The following CCDC73 variants were observed in gnomAD, a reference collection of about 807,000 sequenced individuals.
CCDC73 encodes coiled-coil domain-containing protein 73.
Under a neutral mutation model 116.5 loss-of-function variants are expected in CCDC73, and 95 were observed. That is an observed-to-expected ratio of 0.82 (90% confidence interval 0.69 to 0.97). The LOEUF is 0.97. CCDC73 is among the 50% of genes least tolerant of loss of function. The pLI, the probability that CCDC73 is intolerant of heterozygous loss-of-function variation, is 0.00. For synonymous variants in CCDC73, 398 were observed against 401.3 expected (o/e 0.99, Z 0.10); for missense variants, 1,066 against 1,206.8 (o/e 0.88, Z 1.73).
chr11:32,749,608 G>C (rs1359388283), intron 2 of CCDC73, among the ~76,000 whole-genome samples: 1 of 152,044 alleles, frequency 6.6e-6, no homozygotes, highest in Non-Finnish European at 1.5e-5. Context: ...GCATTGAAGA[G>C]TGGGGTATTT....
Position 32,641,739 on chromosome 11 carries a change from A to G in CCDC73, c.1050+233T>C, listed in dbSNP as rs929956685. ...TGTATATATATATATATGCATGCAT[A>G]TATACACAAACATGTATTTGTGTGG... On this transcript the variant is annotated intron_variant, in intron 13 of 17. Transcript: ENST00000335185. 5.3e-5 allele frequency among the ~76,000 whole-genome samples: 8 copies of G among 150,322 alleles called. No homozygotes were observed. The East Asian group carries it at 1.2e-3, about 22-fold the overall frequency.
chr11:32,607,638 G>C (rs1053626012), intron 17 of CCDC73, among the ~76,000 whole-genome samples: 3 of 141,468 alleles, frequency 2.1e-5, no homozygotes, highest in Non-Finnish European at 4.8e-5. Context: ...AATTGGGCAA[G>C]GTTAAGACTT....
the CCDC73 span, among the ~76,000 whole-genome samples, chr11:32,823,451 G>C: frequency 3.3e-5 from 5 of 152,084 alleles, no homozygotes; most frequent in African/African-American, 1.2e-4. Context: ...TCCAGCCTTG[G>C]CGACAGAGCG....
chr11:32,767,243 G>A (rs1036296728), intron 1 of CCDC73, among the ~76,000 whole-genome samples: 2 of 152,150 alleles, frequency 1.3e-5, no homozygotes, highest in African/African-American at 4.8e-5. Flanking sequence ...TTTAACAAAT[G>A]GTGCTGGGAA....
At chr11:32,784,297 CCAGCCTAAG>C (rs1850608356) in intron 1 of CCDC73, among the ~76,000 whole-genome samples, 1 of 151,044 alleles carries the variant, frequency 6.6e-6, no homozygotes, top group African/African-American at 2.4e-5. Flanking sequence ...CCACTGCACT[CCAGCCTAAG>C]CAACAAGAGT....
intron 11 of CCDC73, among the ~76,000 whole-genome samples, 170 bp from the exon 12 acceptor site, chr11:32,653,397 A>G (rs965209385): frequency 6.6e-6 from 1 of 152,200 alleles, no homozygotes; most frequent in Non-Finnish European, 1.5e-5. Context: ...TTTCTATTAC[A>G]TTATTTCCAA....
intron 7 of CCDC73, chr11:32,681,398 T>C (rs1174397393): frequency 6.6e-6 from 1 of 151,988 alleles, no homozygotes; most frequent in Non-Finnish European, 1.5e-5. Context: ...TTTTATTGCA[T>C]CCTTTTAATT....
At chr11:32,644,345 A>G (rs201863) in intron 12 of CCDC73, among the ~76,000 whole-genome samples, 37,346 of 152,022 alleles carry the variant, frequency 0.25, 4,723 homozygotes, top group Middle Eastern at 0.28. Flanking sequence ...GGGTGGAGGG[A>G]GATCAAAAAA....
chr11:32,635,564 G>A (rs1475603662), intron 14 of CCDC73, 132 bp downstream of exon 14: 2 of 776,584 alleles, frequency 2.6e-6, no homozygotes, highest in Non-Finnish European at 3.3e-6. Context: ...AACTAAAAAT[G>A]TATTAGAGAC....
At chr11:32,733,815 C>A (rs541749389) in intron 2 of CCDC73, among the ~76,000 whole-genome samples, 1 of 152,100 alleles carries the variant, frequency 6.6e-6, no homozygotes, top group Non-Finnish European at 1.5e-5. Flanking sequence ...CAAGAGAAAG[C>A]AGGAAAGATC....
chr11:32,676,064 A>G (rs764558040), intron 7 of CCDC73, 43 bp from the exon 8 acceptor site: 3 of 1,438,154 alleles, frequency 2.1e-6, no homozygotes, highest in South Asian at 1.5e-5. Flanking sequence ...TATAACACAC[A>G]CACATCGCCA....
At chr11:32,688,793 T>C (rs912838888) in intron 6 of CCDC73, among the ~76,000 whole-genome samples, 1 of 152,128 alleles carries the variant, frequency 6.6e-6, no homozygotes, top group Non-Finnish European at 1.5e-5. Flanking sequence ...TGAACTAATA[T>C]GAAATGTTTG....
chr11:32,818,614 C>T, the CCDC73 span, among the ~76,000 whole-genome samples: 12 of 152,140 alleles, frequency 7.9e-5, no homozygotes, highest in Non-Finnish European at 1.8e-4. Context: ...CATGAGTGTT[C>T]ATAGCAGCAT....
intron 9 of CCDC73, among the ~76,000 whole-genome samples, chr11:32,657,210 C>A (rs1855881980): frequency 6.6e-6 from 1 of 152,154 alleles, no homozygotes; most frequent in African/African-American, 2.4e-5. Context: ...CAGCTTTAGC[C>A]ACCCAGGGAA....
At chr11:32,763,344 C>G (rs1196129694) in intron 1 of CCDC73, among the ~76,000 whole-genome samples, 1 of 152,216 alleles carries the variant, frequency 6.6e-6, no homozygotes, top group Non-Finnish European at 1.5e-5. Flanking sequence ...GGGAGGCCCC[C>G]CAGTAGGGGC....
At chr11:32,788,766 G>T (rs976326) in intron 1 of CCDC73, among the ~76,000 whole-genome samples, 1 of 151,900 alleles carries the variant, frequency 6.6e-6, no homozygotes, top group Non-Finnish European at 1.5e-5. Context: ...GTGCTTGGCC[G>T]AGTTAATCTT....
intron 14 of CCDC73, among the ~76,000 whole-genome samples, chr11:32,617,363 T>C (rs912462845): frequency 6.6e-6 from 1 of 152,180 alleles, no homozygotes; most frequent in Admixed American, 6.5e-5. Flanking sequence ...TATAACTCAA[T>C]AGGCACATCA....
At chr11:32,662,208 G>A (rs1293837921) in intron 9 of CCDC73, among the ~76,000 whole-genome samples, 2 of 152,216 alleles carry the variant, frequency 1.3e-5, no homozygotes, top group African/African-American at 2.4e-5. Context: ...CCAGTAATGG[G>A]ATGGCTGGGT....
chr11:32,714,477 A>C (rs1363062033), intron 3 of CCDC73, among the ~76,000 whole-genome samples: 1 of 152,128 alleles, frequency 6.6e-6, no homozygotes, highest in Non-Finnish European at 1.5e-5. Context: ...CTCAGAGGTA[A>C]TGTCTTCTAG....
Sources: allele counts gnomAD v4.1 joint callset (sites outside exome capture counted in the v4.1 genomes callset), GRCh38; gene constraint gnomAD v4.1.1; transcripts MANE v1.5; gene names NCBI Gene and HGNC (gene_info 2026-07-23, HGNC 2026-07-21).